The following SLCO3A1 variants were observed in gnomAD, a reference collection of about 807,000 sequenced individuals.
SLCO3A1 encodes solute carrier organic anion transporter family member 3A1.
A neutral mutation model predicts 63.1 loss-of-function variants in SLCO3A1; 27 were observed. The ratio of observed to expected loss-of-function variants is 0.43; its 90% CI spans 0.32 to 0.59. The LOEUF is 0.59. Ranked by LOEUF, SLCO3A1 falls within the 20% of genes least tolerant of loss-of-function variation. SLCO3A1 has a pLI of 0.09. For synonymous variants in SLCO3A1, 473 were observed against 409.9 expected (o/e 1.15, Z -1.86); for missense variants, 773 against 945.8 (o/e 0.82, Z 2.40).
rs776482513 is a variant in SLCO3A1 at position 91,853,975 on chromosome 15, G to A, written c.67G>A (p.Ala23Thr). 1.3e-6 allele frequency: 2 copies of A among 1,513,774 alleles called. No individual in the cohort carries two copies. Among genetic ancestry groups the A allele is most frequent in the African/African-American group, 1.4e-5 (1 of 69,556 alleles). The allele number at this position is 1,513,774 out of a possible 1,614,324, so 93.8% of individuals were successfully genotyped here. A position where few individuals can be genotyped will look rare whatever the true frequency, so the allele number is the denominator to read the frequency against. Residue 23 changes from alanine (A) to threonine (T), a missense_variant, in exon 1 of 10, where the codon GCG becomes ACG. Around this residue, in one of 3 missense-constraint regions of SLCO3A1, gnomAD observed 69 missense variants for 64.6 expected, o/e 1.07. Transcript: ENST00000318445. ...GAGCGGCGAGCTGCAGGGGGACGAG[G>A]CGCAGAGGAACAAGAAAAAGAAAAA... ...GRSGELQGDE[A>T]QRNKKKKKKV...
intron 9 of SLCO3A1, among the ~76,000 whole-genome samples, chr15:92,152,181 G>C (rs944898901): frequency 3.3e-5 from 5 of 152,186 alleles, no homozygotes; most frequent in Admixed American, 1.3e-4. Flanking sequence ...TGAAATGTCT[G>C]TTACTTTTAT....
chr15:92,159,010 G>A (rs1477823706), intron 9 of SLCO3A1, among the ~76,000 whole-genome samples: 1 of 152,074 alleles, frequency 6.6e-6, no homozygotes, highest in Non-Finnish European at 1.5e-5. Context: ...TGAATAAGGT[G>A]GCAAAAGTTC....
chr15:92,126,512 C>G (rs756266741), intron 6 of SLCO3A1, among the ~76,000 whole-genome samples: 1 of 151,988 alleles, frequency 6.6e-6, no homozygotes. Flanking sequence ...ACTCACATCG[C>G]GATTTTTGGC....
intron 2 of SLCO3A1, among the ~76,000 whole-genome samples, chr15:91,963,781 G>GATC (rs1435422349): frequency 7.2e-5 from 11 of 152,082 alleles, no homozygotes; most frequent in African/African-American, 2.7e-4. Flanking sequence ...GAGTATTACA[G>GATC]ATCATAAAGG....
At chr15:91,956,823 T>C (rs1405149605) in intron 2 of SLCO3A1, among the ~76,000 whole-genome samples, 7 of 132,210 alleles carry the variant, frequency 5.3e-5, no homozygotes. Flanking sequence ...GGATTCTCGC[T>C]CTGTCACCCA....
chr15:92,061,812 G>T (rs375194903), intron 2 of SLCO3A1, among the ~76,000 whole-genome samples: 1 of 113,948 alleles, frequency 8.8e-6, no homozygotes, highest in Non-Finnish European at 2.1e-5. Flanking sequence ...CGCTCCTATG[G>T]GTTTGTTTGT....
chr15:92,049,607 C>G (rs750667322), intron 2 of SLCO3A1, among the ~76,000 whole-genome samples: 1 of 152,182 alleles, frequency 6.6e-6, no homozygotes, highest in Non-Finnish European at 1.5e-5. Context: ...TTCCATTTAG[C>G]AAACAAGTGG....
At chr15:91,958,907 T>G (rs1900334582) in intron 2 of SLCO3A1, among the ~76,000 whole-genome samples, 1 of 152,154 alleles carries the variant, frequency 6.6e-6, no homozygotes, top group Admixed American at 6.6e-5. Flanking sequence ...CATCCAGCAA[T>G]CCCACTGCTT....
intron 1 of SLCO3A1, among the ~76,000 whole-genome samples, chr15:91,903,140 A>G (rs113550124): frequency 0.017 from 2,572 of 152,212 alleles, 77 homozygotes; most frequent in African/African-American, 0.059. Flanking sequence ...GGATTCTCAG[A>G]TCATCTTTCT....
intron 2 of SLCO3A1, among the ~76,000 whole-genome samples, chr15:91,986,470 A>AT (rs35508476): frequency 7.3e-5 from 11 of 151,404 alleles, no homozygotes; most frequent in Non-Finnish European, 1.2e-4. Flanking sequence ...TCTAGTAGCC[A>AT]TTTTTTTTTA....
intron 1 of SLCO3A1, among the ~76,000 whole-genome samples, chr15:91,868,032 C>G (rs1897207456): frequency 6.6e-6 from 1 of 152,112 alleles, no homozygotes; most frequent in Admixed American, 6.6e-5. Flanking sequence ...CTAGCTTCAA[C>G]TTCAAGTTCG....
chr15:92,061,706 G>C (rs967812765), intron 2 of SLCO3A1, among the ~76,000 whole-genome samples: 1 of 152,228 alleles, frequency 6.6e-6, no homozygotes, highest in African/African-American at 2.4e-5. Context: ...CAGGCCCTCA[G>C]GAAAGCAGAG....
intron 2 of SLCO3A1, among the ~76,000 whole-genome samples, chr15:91,965,170 G>T (rs143735205): frequency 3.9e-5 from 6 of 152,238 alleles, no homozygotes; most frequent in African/African-American, 1.4e-4. Flanking sequence ...GTGCCCTAGA[G>T]AACAGGAGAA....
In SLCO3A1 at chr15:92,110,808, G is replaced by A. The variant is rs544775244; in HGVS notation, c.1009+6266G>A. Among the ~76,000 whole-genome samples the A allele has an allele frequency of 5.3e-5, 8 of 152,252 alleles. No individual in the cohort carries two copies. The East Asian group carries it at 5.8e-4, about 11-fold the overall frequency. ...TAGGGGAGGGAGTAAATGGATTGCC[G>A]CTTTCCCTAAAGCTCCCCTGCCCCC... On this transcript the variant is annotated intron_variant, in intron 4 of 9. Coordinates refer to ENST00000318445, the MANE Select transcript of SLCO3A1 (RefSeq NM_013272.4).
In SLCO3A1 at chr15:92,056,758, A is replaced by T. The variant is rs2047026873; in HGVS notation, c.647-38123A>T. Among the ~76,000 whole-genome samples, 4 of 152,278 alleles carry T rather than the reference A, an allele frequency of 2.6e-5. No individual in the cohort carries two copies. In the South Asian group the frequency reaches 8.3e-4, roughly 32 times the overall value. ...TCTTATCACTGTCCCCTGCCTAAGA[A>T]AGCCTTGCTGGCAGCAGCATGGGTA... On this transcript the variant is annotated intron_variant, in intron 2 of 9. Transcript: ENST00000318445.
chr15:91,870,274 A>G (rs75546724), intron 1 of SLCO3A1, among the ~76,000 whole-genome samples: 2,397 of 152,340 alleles, frequency 0.016, 58 homozygotes, highest in African/African-American at 0.052. Context: ...TATAAAATGT[A>G]TGTTCTAAAA....
rs1415195565 is a variant in SLCO3A1 at position 91,948,441 on chromosome 15, C to T, written c.646+31983C>T. On this transcript the variant is annotated intron_variant, in intron 2 of 9. Coordinates refer to ENST00000318445, the MANE Select transcript of SLCO3A1 (RefSeq NM_013272.4). This position sits in a 1 kb window ranked among gnomAD's most constrained non-coding sequence, Gnocchi z 4.8. ...AAGCCTACAGGCTCTGTAGGAGTGC[C>T]GGCATGCACACAGCACCACCTGGGT... Among the ~76,000 whole-genome samples the T allele has an allele frequency of 6.6e-6, 1 of 152,142 alleles. No homozygotes were observed. Among genetic ancestry groups the T allele is most frequent in the East Asian group, 1.9e-4 (1 of 5,196 alleles).
At chr15:92,065,419 T>C (rs754967160) in intron 2 of SLCO3A1, among the ~76,000 whole-genome samples, 58 of 152,318 alleles carry the variant, frequency 3.8e-4, no homozygotes, top group Non-Finnish European at 4.1e-4. Flanking sequence ...ACACATGATA[T>C]GCTTGTATCA....
At chr15:92,135,634 C>G (rs1214120889) in intron 7 of SLCO3A1, among the ~76,000 whole-genome samples, 1 of 152,150 alleles carries the variant, frequency 6.6e-6, no homozygotes, top group East Asian at 1.9e-4. Context: ...TAATAAATGA[C>G]AGGAGACTGT....
Sources: gnomAD v4.1 joint callset for allele counts (sites outside exome capture counted in the v4.1 genomes callset) on GRCh38, gnomAD v4.1.1 for gene constraint, gnomAD v4.1.1 regional missense constraint, Gnocchi (gnomAD v3.1) non-coding constraint, MANE v1.5 for transcripts, NCBI Gene and HGNC (gene_info 2026-07-23, HGNC 2026-07-21) for gene names.